The following CUL2 variants were observed in gnomAD, a reference collection of about 807,000 sequenced individuals.
The protein encoded by CUL2 is cullin-2.
Under a neutral mutation model 110.2 loss-of-function variants are expected in CUL2, and 22 were observed. The observed-to-expected ratio is 0.20, with a 90% confidence interval of 0.14 to 0.28. The LOEUF (loss-of-function observed/expected upper bound fraction) is 0.28. Among genes scored for constraint, CUL2 ranks in the 10% least tolerant of loss-of-function variants. The pLI, the probability that CUL2 is intolerant of heterozygous loss-of-function variation, is 1.00. For synonymous variants in CUL2, 279 were observed against 293.2 expected (o/e 0.95, Z 0.49); for missense variants, 631 against 905.5 (o/e 0.70, Z 3.89).
intron 6 of CUL2, among the ~76,000 whole-genome samples, chr10:35,045,547 A>AG: frequency 6.8e-6 from 1 of 146,744 alleles, no homozygotes; most frequent in South Asian, 2.2e-4. Context: ...ACCCCATACA[A>AG]AAAAAAAAAA....
intron 18 of CUL2, among the ~76,000 whole-genome samples, chr10:35,015,442 G>C (rs895303978): frequency 1.8e-4 from 27 of 151,994 alleles, no homozygotes; most frequent in African/African-American, 6.5e-4. Context: ...ATAATCCTAG[G>C]GATGTCAGCA....
intron 1 of CUL2, among the ~76,000 whole-genome samples, chr10:35,085,964 C>T (rs1159900183): frequency 1.3e-5 from 2 of 152,038 alleles, no homozygotes; most frequent in Admixed American, 1.3e-4. Flanking sequence ...ACAATATACC[C>T]GGGTAACAAA....
chr10:35,014,795 T>C (rs548576420), intron 18 of CUL2, among the ~76,000 whole-genome samples: 1 of 152,184 alleles, frequency 6.6e-6, no homozygotes, highest in Admixed American at 6.5e-5. Context: ...ATGGCACCAC[T>C]GCACTCCAAC....
intron 12 of CUL2, 43 bp downstream of exon 12, chr10:35,032,392 C>T: frequency 6.6e-7 from 1 of 1,516,876 alleles, no homozygotes; most frequent in African/African-American, 1.4e-5. Context: ...TTTTCTAATA[C>T]TGACTTTTCA....
Position 35,035,229 on chromosome 10 carries a change from C to G in CUL2, c.945G>C (p.Leu315=), listed in dbSNP as rs188603711. 1.4e-5 allele frequency: 22 copies of G among 1,614,140 alleles called. No individual in the cohort carries two copies. In the African/African-American group the frequency reaches 2.1e-4, roughly 16 times the overall value. Residue 315 remains leucine (L), a synonymous_variant, in exon 10 of 21, where the codon CTG becomes CTC. Coordinates refer to ENST00000374749, the MANE Select transcript of CUL2 (RefSeq NM_003591.4). The part of the protein sequence containing the change: ...STGLPHMIQE[L]QNHIHDEGLR... Reference sequence around the variant, plus strand: ...GGCCCTCATCATGGATGTGGTTTTGCAGCTCCTGAATCATATGAGGTAAAC... The same window carrying G: ...GGCCCTCATCATGGATGTGGTTTTGGAGCTCCTGAATCATATGAGGTAAAC...
intron 1 of CUL2, among the ~76,000 whole-genome samples, chr10:35,072,707 A>G (rs1253678214): frequency 1.3e-5 from 2 of 152,190 alleles, no homozygotes; most frequent in Non-Finnish European, 2.9e-5. Flanking sequence ...CTCCTGCCTC[A>G]GACAAACTGC....
chr10:35,010,747 A>G (rs959108840), intron 20 of CUL2, among the ~76,000 whole-genome samples: 1 of 152,232 alleles, frequency 6.6e-6, no homozygotes, highest in African/African-American at 2.4e-5. Flanking sequence ...AGCAGCCCCT[A>G]GGCCAGGATA....
chr10:35,028,928 A>C, intron 15 of CUL2, 41 bp from the exon 16 acceptor site: 2 of 1,188,294 alleles, frequency 1.7e-6, no homozygotes, highest in East Asian at 2.4e-5. Flanking sequence ...TAAATGGATC[A>C]ACATCTAAAT....
At chr10:35,021,461 A>G (rs1279522683) in intron 17 of CUL2, among the ~76,000 whole-genome samples, 1 of 139,988 alleles carries the variant, frequency 7.1e-6, no homozygotes, top group Admixed American at 6.8e-5. Context: ...ACACATACAT[A>G]CACACACACA....
intron 4 of CUL2, 32 bp from the exon 5 acceptor site, chr10:35,054,571 A>G (rs1291258010): frequency 1.6e-6 from 2 of 1,222,140 alleles, no homozygotes; most frequent in Non-Finnish European, 2.3e-6. Context: ...AATGGATATT[A>G]AGTTAAAGTC....
At chr10:35,032,759 TAAA>T (rs763964304) in intron 11 of CUL2, among the ~76,000 whole-genome samples, 2 of 151,546 alleles carry the variant, frequency 1.3e-5, no homozygotes, top group African/African-American at 2.4e-5. Context: ...TAACGTTACT[TAAA>T]AAAAAACTTA....
intron 1 of CUL2, among the ~76,000 whole-genome samples, chr10:35,104,506 A>G (rs1416503558): frequency 1.3e-5 from 2 of 151,876 alleles, no homozygotes; most frequent in Non-Finnish European, 2.9e-5. Context: ...CCTCCCCTCT[A>G]TTTATTTTGA....
rs774125451 is a variant in CUL2 at position 35,028,862 on chromosome 10, G to A, written c.1565C>T (p.Ala522Val). 3.2e-5 allele frequency: 51 copies of A among 1,610,676 alleles called. 1 individual carries two copies. Among genetic ancestry groups the A allele is most frequent in the Non-Finnish European group, 4.1e-5 (48 of 1,177,850 alleles). Residue 522 changes from alanine to valine, a missense_variant, in exon 16 of 21, where the codon GCT becomes GTT. Physicochemically the swap from Ala to Val is moderately conservative, Grantham distance 64 (BLOSUM62 0). This residue lies in a region of CUL2 where 134 missense variants were observed against 260.4 expected (regional missense o/e 0.51). Coordinates refer to ENST00000374749, the MANE Select transcript of CUL2 (RefSeq NM_003591.4). ...LQAGAWPLTQAPSSTFAIPQE... is the reference protein window; with the variant it reads ...LQAGAWPLTQVPSSTFAIPQE... ...GGGAATTGCAAACGTAGATGAAGGA[G>A]CCTGAGTAAGAGGCCACGCACCAGC... is the stretch of plus-strand genomic sequence containing the variant.
intron 1 of CUL2, among the ~76,000 whole-genome samples, chr10:35,080,879 G>A (rs1431002422): frequency 3.3e-5 from 5 of 152,080 alleles, no homozygotes; most frequent in Non-Finnish European, 5.9e-5. Context: ...AGGGTGACAC[G>A]GTGGGGAGTA....
chr10:35,061,408 C>T (rs1206959212), intron 3 of CUL2, among the ~76,000 whole-genome samples: 12 of 146,798 alleles, frequency 8.2e-5, no homozygotes, highest in Middle Eastern at 3.3e-3. Flanking sequence ...CCGATCGCAC[C>T]GAGACCCCAC....
rs1237707901 is a variant in CUL2 at position 35,044,628 on chromosome 10, A to G, written c.652T>C (p.Tyr218His). 4.3e-6 allele frequency: 7 copies of G among 1,611,080 alleles called. No homozygotes were observed. The African/African-American group carries it at 8.0e-5, about 18-fold the overall frequency. Residue 218 changes from tyrosine to histidine, a missense_variant, in exon 8 of 21, where the codon TAT becomes CAT. Around this residue, in one of 3 missense-constraint regions of CUL2, gnomAD observed 338 missense variants for 442.5 expected, o/e 0.76. Coordinates refer to ENST00000374749, the MANE Select transcript of CUL2 (RefSeq NM_003591.4). ...AAATTTGAAGCTTCTTGTTTGTAAT[A>G]CTCTCCTGTTTCAGTCAGAAAGGGA... ...ESPFLTETGEYYKQEASNLLQ... is the reference protein window; with the variant it reads ...ESPFLTETGEHYKQEASNLLQ...
intron 12 of CUL2, among the ~76,000 whole-genome samples, chr10:35,032,232 C>A (rs1249205030): frequency 1.3e-5 from 2 of 152,022 alleles, no homozygotes; most frequent in Non-Finnish European, 2.9e-5. Context: ...ACATTAAAAC[C>A]CAAACTTTGT....
intron 17 of CUL2, among the ~76,000 whole-genome samples, chr10:35,023,886 G>A (rs1048069457): frequency 2.0e-5 from 3 of 152,142 alleles, no homozygotes; most frequent in African/African-American, 7.2e-5. Context: ...CCAGGCTGGA[G>A]TGCAGTGGCA....
intron 1 of CUL2, among the ~76,000 whole-genome samples, chr10:35,074,523 T>C (rs573107975): frequency 3.9e-5 from 6 of 152,306 alleles, no homozygotes; most frequent in African/African-American, 1.4e-4. Flanking sequence ...TGTTTGTTCC[T>C]GAGACAGAGT....
Sources: allele counts gnomAD v4.1 joint callset (sites outside exome capture counted in the v4.1 genomes callset), GRCh38; gene constraint gnomAD v4.1.1; regional missense constraint gnomAD v4.1.1; transcripts MANE v1.5; gene names NCBI Gene and HGNC (gene_info 2026-07-23, HGNC 2026-07-21).